Variants in CD163L1 observed in about 807,000 individuals in gnomAD.
The protein encoded by CD163L1 is scavenger receptor cysteine-rich type 1 protein M160.
A neutral mutation model predicts 165.4 loss-of-function variants in CD163L1; 124 were observed. The observed-to-expected ratio is 0.75, with a 90% confidence interval of 0.65 to 0.87. The LOEUF is 0.87. CD163L1 is among the 40% of genes least tolerant of loss of function. The pLI is 0.00. For missense variants in CD163L1, 1,525 were observed against 1,799.9 expected (o/e 0.85, Z 2.76); for synonymous variants, 585 against 662.2 (o/e 0.88, Z 1.79).
the CD163L1 span, chr12:7,322,437 C>A: frequency 6.2e-7 from 1 of 1,613,726 alleles, no homozygotes; most frequent in East Asian, 2.2e-5. Context: ...CAAGAGTCTG[C>A]GGCACTGCTT....
chr12:7,407,600 A>G (rs773548866), intron 4 of CD163L1, among the ~76,000 whole-genome samples: 43 of 151,624 alleles, frequency 2.8e-4, no homozygotes, highest in Non-Finnish European at 5.5e-4. Flanking sequence ...TTACTAAGTG[A>G]TATAAAGAAA....
rs1292872614 is a variant in CD163L1, at chr12:7,421,486, T to TATATAC, written c.766+10924_766+10929dup. 1.7e-3 allele frequency among the ~76,000 whole-genome samples: 180 copies of TATATAC among 104,974 alleles called. 7 individuals are homozygous for TATATAC. Among genetic ancestry groups the TATATAC allele is most frequent in the East Asian group, 0.011 (33 of 2,970 alleles). 68.9% of individuals were successfully genotyped at this position (104,974 alleles called of 152,430 possible). A position where few individuals can be genotyped will look rare whatever the true frequency, so the allele number is the denominator to read the frequency against. On this transcript the variant is annotated intron_variant, in intron 4 of 19. Coordinates refer to ENST00000313599, the MANE Select transcript of CD163L1 (RefSeq NM_174941.6). ...ATACATATATATACATATATGTACA[T>TATATAC]ATATACATATATGTACATATACATA...
chr12:7,424,647 C>CA (rs1352029459), intron 4 of CD163L1, among the ~76,000 whole-genome samples: 16 of 152,164 alleles, frequency 1.1e-4, no homozygotes, highest in African/African-American at 3.9e-4. Flanking sequence ...TCTCAGCATA[C>CA]AAAATCAATG....
intron 4 of CD163L1, among the ~76,000 whole-genome samples, chr12:7,409,305 G>C (rs1423090334): frequency 2.0e-5 from 3 of 152,014 alleles, no homozygotes; most frequent in Non-Finnish European, 4.4e-5. Context: ...AGCACACAAA[G>C]TTCAGAACCC....
downstream of CD163L1, among the ~76,000 whole-genome samples, chr12:7,341,907 T>G (rs1326371942): frequency 6.6e-6 from 1 of 152,218 alleles, no homozygotes; most frequent in African/African-American, 2.4e-5. Flanking sequence ...ATAAATATTT[T>G]GAGACTCTCA....
the CD163L1 span, chr12:7,323,557 T>C: frequency 4.5e-3 from 7,274 of 1,611,918 alleles, 20 homozygotes; most frequent in Non-Finnish European, 5.6e-3. Flanking sequence ...TCTCTAAATA[T>C]GTGGTATGAG....
At chr12:7,442,029 CTA>C (rs1300915503) in intron 1 of CD163L1, among the ~76,000 whole-genome samples, 1 of 151,880 alleles carries the variant, frequency 6.6e-6, no homozygotes, top group African/African-American at 2.4e-5. Context: ...TATTTGGAGA[CTA>C]TAAAGAATTG....
At chr12:7,318,932 G>A in the CD163L1 span, among the ~76,000 whole-genome samples, 2 of 152,308 alleles carry the variant, frequency 1.3e-5, no homozygotes, top group Admixed American at 6.5e-5. Flanking sequence ...CCAGGGACTG[G>A]ATTCGTGGAA....
chr12:7,370,474 G>A (rs1212368503), intron 14 of CD163L1, among the ~76,000 whole-genome samples: 1 of 152,030 alleles, frequency 6.6e-6, no homozygotes, highest in Non-Finnish European at 1.5e-5. Flanking sequence ...GAGAATCTCG[G>A]GATTTCTCTA....
chr12:7,359,137 T>C (rs1044386463), intron 18 of CD163L1, among the ~76,000 whole-genome samples: 24 of 151,968 alleles, frequency 1.6e-4, no homozygotes, highest in Non-Finnish European at 2.4e-4. Flanking sequence ...ACAATAGGAA[T>C]GCTAGAAGGA....
chr12:7,366,768 G>C (rs1333037897), intron 18 of CD163L1, among the ~76,000 whole-genome samples: 2 of 151,978 alleles, frequency 1.3e-5, no homozygotes, highest in Non-Finnish European at 2.9e-5. Context: ...AACAGATTGA[G>C]TTTTATGCAC....
chr12:7,322,643 A>T, the CD163L1 span: 52 of 1,434,280 alleles, frequency 3.6e-5, no homozygotes, highest in South Asian at 7.4e-4. Flanking sequence ...GTAAATTTTT[A>T]TAGAGTTTCC....
At chr12:7,357,540 G>C in intron 18 of CD163L1, 54 bp from the exon 19 acceptor site, 1 of 1,472,266 alleles carries the variant, frequency 6.8e-7, no homozygotes, top group South Asian at 1.1e-5. Context: ...TCTCTGCAGA[G>C]GGAAGAGCTG....
chr12:7,404,020 G>T, intron 5 of CD163L1, 165 bp from the exon 6 acceptor site: 1 of 507,838 alleles, frequency 2.0e-6, no homozygotes, highest in Non-Finnish European at 3.3e-6. Flanking sequence ...TTTAAAGATT[G>T]AAATTTTAAA....
chr12:7,367,060 G>C (rs1947036657), intron 18 of CD163L1, among the ~76,000 whole-genome samples, 176 bp downstream of exon 18: 1 of 152,120 alleles, frequency 6.6e-6, no homozygotes, highest in Non-Finnish European at 1.5e-5. Flanking sequence ...GTATATTCCA[G>C]TTTTCTTAAT....
intron 4 of CD163L1, among the ~76,000 whole-genome samples, chr12:7,421,018 T>C (rs1948342470): frequency 1.2e-5 from 1 of 80,778 alleles, no homozygotes; most frequent in Non-Finnish European, 2.3e-5. Context: ...TACGTGTATA[T>C]ATATACATAT....
chr12:7,354,758 C>T (rs1946740920), downstream of CD163L1, among the ~76,000 whole-genome samples: 1 of 152,094 alleles, frequency 6.6e-6, no homozygotes, highest in Non-Finnish European at 1.5e-5. Flanking sequence ...TCCCACTGTA[C>T]ACTCACATAA....
chr12:7,370,302 C>T (rs940395686), intron 14 of CD163L1, among the ~76,000 whole-genome samples: 10 of 152,132 alleles, frequency 6.6e-5, no homozygotes, highest in Admixed American at 3.3e-4. Flanking sequence ...TAATTATAAC[C>T]GGGGTCATTT....
intron 6 of CD163L1, among the ~76,000 whole-genome samples, chr12:7,401,325 T>C (rs774936959): frequency 1.1e-4 from 16 of 152,038 alleles, no homozygotes; most frequent in Admixed American, 3.9e-4. Flanking sequence ...CAGATTCAGT[T>C]ATTCTAAAAT....
Sources: allele counts gnomAD v4.1 joint callset (sites outside exome capture counted in the v4.1 genomes callset), GRCh38; gene constraint gnomAD v4.1.1; transcripts MANE v1.5; gene names NCBI Gene and HGNC (gene_info 2026-07-23, HGNC 2026-07-21).